Variants in FOLH1 observed in about 807,000 individuals in gnomAD.
FOLH1 encodes folate hydrolase 1.
A neutral mutation model predicts 93.9 loss-of-function variants in FOLH1; 54 were observed. The observed-to-expected ratio is 0.57, with a 90% confidence interval of 0.46 to 0.72. The LOEUF is 0.72. FOLH1 is among the 30% of genes least tolerant of loss of function. The pLI is 0.00. For missense variants in FOLH1, 571 were observed against 892.5 expected (o/e 0.64, Z 4.59); for synonymous variants, 249 against 303.6 (o/e 0.82, Z 1.87).
intron 13 of FOLH1, among the ~76,000 whole-genome samples, chr11:49,162,097 G>T (rs1857771052): frequency 6.6e-6 from 1 of 152,128 alleles, no homozygotes; most frequent in African/African-American, 2.4e-5. Context: ...TGATGAGTAT[G>T]TGTCTTGGGG....
At chr11:49,178,126 G>A (rs1860314934) in intron 7 of FOLH1, among the ~76,000 whole-genome samples, 1 of 152,138 alleles carries the variant, frequency 6.6e-6, no homozygotes, top group Non-Finnish European at 1.5e-5. Flanking sequence ...AAAGATTAGG[G>A]TGGGGCCACC....
chr11:49,193,635 A>C (rs1862301320), intron 3 of FOLH1, among the ~76,000 whole-genome samples: 6 of 152,178 alleles, frequency 3.9e-5, no homozygotes, highest in Admixed American at 3.9e-4. Flanking sequence ...ACTGAACCAA[A>C]TATATGTTTT....
chr11:49,208,209 C>T, intron 1 of FOLH1, 83 bp downstream of exon 1: 2 of 1,016,376 alleles, frequency 2.0e-6, no homozygotes, highest in Non-Finnish European at 2.9e-6. Flanking sequence ...AACAGGATCC[C>T]ACTCGGCAGC....
At chr11:49,147,056 C>G in intron 18 of FOLH1, 111 bp from the exon 19 acceptor site, 3 of 927,020 alleles carry the variant, frequency 3.2e-6, no homozygotes, top group Non-Finnish European at 4.8e-6. Flanking sequence ...TTTGAACAAG[C>G]CACTTGTCAA....
chr11:49,207,989 C>T, intron 1 of FOLH1: 1 of 567,208 alleles, frequency 1.8e-6, no homozygotes, highest in Non-Finnish European at 3.2e-6. Flanking sequence ...AAAAAAAAAA[C>T]TTCCTCTGTC....
intron 4 of FOLH1, among the ~76,000 whole-genome samples, chr11:49,192,224 T>C (rs1038863626): frequency 6.6e-6 from 1 of 152,184 alleles, no homozygotes; most frequent in African/African-American, 2.4e-5. Flanking sequence ...ATTTTTGGTA[T>C]ACATAAGTCA....
At chr11:49,200,514 G>A in intron 2 of FOLH1, 73 bp from the exon 3 acceptor site, 3 of 1,524,648 alleles carry the variant, frequency 2.0e-6, no homozygotes, top group Non-Finnish European at 2.7e-6. Flanking sequence ...ACAAAGTAAA[G>A]CAGAGTTACA....
At position 49,154,428 on chromosome 11, in the gene FOLH1, T is replaced by G. The variant is rs1856788570; in HGVS notation, c.1688A>C (p.Glu563Ala). The change falls in exon 16 of 19, where the codon GAA becomes GCA. Residue 563 changes from glutamate (E) to alanine (A), a missense_variant. Glu to Ala is a moderately radical substitution (Grantham distance 107, BLOSUM62 -1). This residue lies in a region of FOLH1 where 500 missense variants were observed against 822.9 expected (regional missense o/e 0.61). Coordinates refer to ENST00000256999, the MANE Select transcript of FOLH1 (RefSeq NM_004476.3). ...TTTAAACATTGGATCATAAAACTTTTCCACCAACTCATATGTTTCATAGAC... is the reference window on the plus strand; with the variant it reads ...TTTAAACATTGGATCATAAAACTTTGCCACCAACTCATATGTTTCATAGAC... ...HSVYETYELV[E>A]KFYDPMFKYH... is the part of the protein sequence containing the mutation. 6.2e-7 allele frequency: 1 copy of G among 1,611,232 alleles called. No individual in the cohort carries two copies. The highest frequency in any genetic ancestry group is 8.5e-7 in the Non-Finnish European group (1 of 1,178,132).
Position 49,183,232 on chromosome 11 carries a change from A to G in FOLH1, c.837T>C (p.Tyr279=), listed in dbSNP as rs1860989858. Residue 279 remains tyrosine, a synonymous_variant, in exon 7 of 19, where the codon TAT becomes TAC. Transcript: ENST00000256999. ...CAACAGCCTCTGCAATTCCACGCCT[A>G]TAAGCATATTCTGAAAAAAAAAATT... ...TPGYPANEYA[Y]RRGIAEAVGL... The G allele has an allele frequency of 4.3e-6, 7 of 1,610,472 alleles. No homozygotes were observed. The highest frequency in any genetic ancestry group is 3.4e-6 in the Non-Finnish European group (4 of 1,178,684).
chr11:49,176,349 A>G (rs1478382468), intron 7 of FOLH1, among the ~76,000 whole-genome samples: 2 of 152,296 alleles, frequency 1.3e-5, no homozygotes, highest in South Asian at 2.1e-4. Flanking sequence ...ACTGGTATAT[A>G]GTTATTTTTT....
At chr11:49,162,478 G>A (rs1269058563) in intron 13 of FOLH1, among the ~76,000 whole-genome samples, 4 of 152,118 alleles carry the variant, frequency 2.6e-5, no homozygotes, top group Non-Finnish European at 5.9e-5. Flanking sequence ...TCATTTTACT[G>A]TCAGTTCCTG....
At position 49,199,839 on chromosome 11, in the gene FOLH1, A is replaced by C. The variant is rs548817630; in HGVS notation, c.411+416T>G. The stretch of plus-strand genomic sequence containing the variant: ...GGAAGGAGAATCCCTTGAACATGGG[A>C]GGTGGAGGTTGCAGTGAGCCGAGAT... On this transcript the variant is annotated intron_variant, in intron 3 of 18. Transcript: ENST00000256999. Among the ~76,000 whole-genome samples the C allele has an allele frequency of 4.7e-3, 714 of 151,958 alleles. 6 individuals carry two copies. The highest frequency in any genetic ancestry group is 0.016 in the African/African-American group (655 of 41,452).
At chr11:49,182,109 A>G (rs1424830206) in intron 7 of FOLH1, among the ~76,000 whole-genome samples, 1 of 152,022 alleles carries the variant, frequency 6.6e-6, no homozygotes, top group African/African-American at 2.4e-5. Context: ...AGGGCGGATC[A>G]CCTGCGGTCA....
Position 49,206,119 on chromosome 11 carries a change from T to C in FOLH1, c.172A>G (p.Met58Val), listed in dbSNP as rs1466515464. Residue 58 changes from methionine (M) to valine (V), a missense_variant, in exon 2 of 19, where the codon ATG (methionine) becomes GTG (valine). This residue lies in a region of FOLH1 where 500 missense variants were observed against 822.9 expected (regional missense o/e 0.61). Coordinates refer to ENST00000256999, the MANE Select transcript of FOLH1 (RefSeq NM_004476.3). ...TTCAATTCATCCAAAAATGCTTTCA[T>C]ATTATGCTTTGGAGTAATGTTAGTA... The part of the protein sequence containing the change: ...EATNITPKHN[M>V]KAFLDELKAE... The C allele has an allele frequency of 1.9e-6, 3 of 1,612,814 alleles. No individual in the cohort carries two copies. The highest frequency in any genetic ancestry group is 2.2e-5 in the South Asian group (2 of 90,898).
chr11:49,154,361 A>G lies in FOLH1; in HGVS notation c.1755T>C (p.Phe585=), dbSNP rs1856782635. The G allele has an allele frequency of 5.6e-6, 9 of 1,613,170 alleles. No homozygotes were observed. Among genetic ancestry groups the G allele is most frequent in the Non-Finnish European group, 6.8e-6 (8 of 1,179,358 alleles). Residue 585 remains phenylalanine, a synonymous_variant, in exon 16 of 19, where the codon TTT becomes TTC. Transcript: ENST00000256999. ...TVAQVRGGMV[F]ELANSIVLPF... The stretch of plus-strand genomic sequence containing the variant: ...GGAGCACTATGGAATTGGCTAGCTC[A>G]AACACCATCCCTCCTCGAACCTGGG...
chr11:49,186,755 A>G lies in FOLH1; in HGVS notation c.528T>C (p.Tyr176=). 1.2e-6 allele frequency: 2 copies of G among 1,611,046 alleles called. No homozygotes were observed. The highest frequency in any genetic ancestry group is 2.2e-5 in the East Asian group (1 of 44,798). ...AGTCTTCAGTTCGTGCATAGTTAAC[A>G]TACACTAGATCGCCCTGTTGAGATC... The part of the protein sequence containing the change: ...PQGMPEGDLV[Y]VNYARTEDFF... Residue 176 remains tyrosine (Y), a synonymous_variant, in exon 5 of 19, where the codon TAT becomes TAC. Transcript: ENST00000256999.
At chr11:49,155,424 T>A (rs1210823475) in intron 15 of FOLH1, 1 of 155,788 alleles carries the variant, frequency 6.4e-6, no homozygotes, top group Non-Finnish European at 1.4e-5. Flanking sequence ...TACAGAAACT[T>A]AATGTCAACT....
At chr11:49,148,310 A>G (rs1288774201) in intron 18 of FOLH1, among the ~76,000 whole-genome samples, 1 of 151,386 alleles carries the variant, frequency 6.6e-6, no homozygotes, top group African/African-American at 2.4e-5. Context: ...CTAAAATTAT[A>G]CACACCAGAA....
intron 7 of FOLH1, among the ~76,000 whole-genome samples, chr11:49,180,997 C>A (rs573028163): frequency 6.6e-6 from 1 of 152,258 alleles, no homozygotes; most frequent in East Asian, 1.9e-4. Context: ...TGATATTGAC[C>A]TAGTAAACCA....
Sources: allele counts gnomAD v4.1 joint callset (sites outside exome capture counted in the v4.1 genomes callset), GRCh38; gene constraint gnomAD v4.1.1; regional missense constraint gnomAD v4.1.1; transcripts MANE v1.5; gene names NCBI Gene and HGNC (gene_info 2026-07-23, HGNC 2026-07-21).